The following DCC variants were observed in gnomAD, a reference collection of about 807,000 sequenced individuals.
The protein encoded by DCC is netrin receptor DCC.
DCC carries 58 observed loss-of-function variants against 172.5 expected under a neutral mutation model. That is an observed-to-expected ratio of 0.34 (90% CI 0.27 to 0.42). The LOEUF (loss-of-function observed/expected upper bound fraction) is 0.42. Among genes scored for constraint, DCC ranks in the 10% least tolerant of loss-of-function variants. The probability of loss-of-function intolerance (pLI) is 1.00; values close to 1 mark genes in which losing one functional copy is unlikely to be tolerated. For missense variants in DCC, 1,740 were observed against 1,791.0 expected (o/e 0.97, Z 0.51); for synonymous variants, 709 against 644.5 (o/e 1.10, Z -1.52).
intron 1 of DCC, among the ~76,000 whole-genome samples, chr18:52,742,501 T>C (rs1252287379): frequency 6.6e-6 from 1 of 152,206 alleles, no homozygotes; most frequent in Admixed American, 6.5e-5. Context: ...TAATGCCTGA[T>C]GCAGTAGGTG....
intron 5 of DCC, among the ~76,000 whole-genome samples, chr18:52,955,973 A>T (rs1266120801): frequency 4.0e-5 from 6 of 149,496 alleles, no homozygotes; most frequent in African/African-American, 7.4e-5. Flanking sequence ...TTTTTTTTTT[A>T]AATCAGTTGC....
chr18:52,634,750 A>C (rs1397533328), intron 1 of DCC, among the ~76,000 whole-genome samples: 9 of 152,096 alleles, frequency 5.9e-5, no homozygotes, highest in Admixed American at 3.9e-4. Flanking sequence ...TGGTATCTTG[A>C]TCTGCTAAAT....
At chr18:52,978,327 T>TA (rs1303308450) in intron 5 of DCC, among the ~76,000 whole-genome samples, 2 of 151,276 alleles carry the variant, frequency 1.3e-5, no homozygotes, top group Admixed American at 1.3e-4. Flanking sequence ...AGAAAAAAAA[T>TA]AAAAAATAAA....
chr18:53,014,773 G>A (rs1463098034), intron 5 of DCC, among the ~76,000 whole-genome samples: 1 of 152,012 alleles, frequency 6.6e-6, no homozygotes, highest in Non-Finnish European at 1.5e-5. Context: ...CCTTTAGAGA[G>A]AATGGCTGAA....
chr18:53,309,373 G>A (rs766724401), intron 13 of DCC, among the ~76,000 whole-genome samples: 1 of 152,198 alleles, frequency 6.6e-6, no homozygotes, highest in East Asian at 1.9e-4. Flanking sequence ...TAGAGATAGA[G>A]CCCACTTGAA....
chr18:52,609,269 C>G (rs942418601), intron 1 of DCC, among the ~76,000 whole-genome samples: 1 of 151,728 alleles, frequency 6.6e-6, no homozygotes, highest in Non-Finnish European at 1.5e-5. Context: ...GAGTGAAAGG[C>G]GAAAAAAAGT....
Position 53,315,504 on chromosome 18 carries a change from T to C in DCC, c.2054-6543T>C, listed in dbSNP as rs150321500. Among the ~76,000 whole-genome samples, 22 of 152,320 alleles carry C rather than the reference T, an allele frequency of 1.4e-4. No homozygotes were observed. In the East Asian group the frequency reaches 4.2e-3, roughly 29 times the overall value. On this transcript the variant is annotated intron_variant, in intron 13 of 28. Transcript: ENST00000442544. ...GTAATGGGATCGCTGGGTCAATTGGTATTTCTGATTCTAGATCCTTGAGGA... is the reference window on the plus strand; with the variant it reads ...GTAATGGGATCGCTGGGTCAATTGGCATTTCTGATTCTAGATCCTTGAGGA...
At chr18:53,412,039 CAG>C (rs1910017283) in intron 20 of DCC, among the ~76,000 whole-genome samples, 1 of 152,100 alleles carries the variant, frequency 6.6e-6, no homozygotes, top group South Asian at 2.1e-4. Flanking sequence ...TGTTAAACAG[CAG>C]AGTGATGAGT....
chr18:52,485,772 A>C (rs1362793855), intron 1 of DCC, among the ~76,000 whole-genome samples: 1 of 152,186 alleles, frequency 6.6e-6, no homozygotes, highest in Non-Finnish European at 1.5e-5. Context: ...ACAGAAAGAG[A>C]ATATGGTTAA....
chr18:52,971,420 T>C (rs904695839), intron 5 of DCC, among the ~76,000 whole-genome samples: 1 of 152,084 alleles, frequency 6.6e-6, no homozygotes, highest in South Asian at 2.1e-4. Flanking sequence ...GTGGTATGAA[T>C]AGAATGTCTT....
At chr18:52,795,554 GTTT>G (rs1367122897) in intron 2 of DCC, among the ~76,000 whole-genome samples, 1 of 151,744 alleles carries the variant, frequency 6.6e-6, no homozygotes, top group Non-Finnish European at 1.5e-5. Flanking sequence ...AGAAAAACAA[GTTT>G]TTGTTTTATT....
At chr18:53,325,057 G>C (rs887955348) in intron 14 of DCC, among the ~76,000 whole-genome samples, 1 of 151,948 alleles carries the variant, frequency 6.6e-6, no homozygotes, top group African/African-American at 2.4e-5. Context: ...GCTGGGCGTG[G>C]TGGTGCATAC....
At chr18:52,400,922 A>C (rs1384743751) in intron 1 of DCC, among the ~76,000 whole-genome samples, 1 of 151,984 alleles carries the variant, frequency 6.6e-6, no homozygotes, top group Admixed American at 6.6e-5. Context: ...GGAGGGGAAC[A>C]TCACACACCA....
At chr18:53,219,037 C>A (rs1347232907) in intron 12 of DCC, among the ~76,000 whole-genome samples, 1 of 152,032 alleles carries the variant, frequency 6.6e-6, no homozygotes, top group Non-Finnish European at 1.5e-5. Flanking sequence ...ACTCTTTGAA[C>A]CTGTGAAAAG....
chr18:52,928,949 G>T (rs986233628), intron 5 of DCC, among the ~76,000 whole-genome samples: 4 of 152,056 alleles, frequency 2.6e-5, no homozygotes, highest in African/African-American at 7.2e-5. Context: ...GCTCTCTTTG[G>T]TCAGGCCTGT....
intron 12 of DCC, among the ~76,000 whole-genome samples, chr18:53,285,084 A>T (rs1317406608): frequency 6.6e-6 from 1 of 152,178 alleles, no homozygotes; most frequent in Admixed American, 6.5e-5. Context: ...AAAAGTCTGG[A>T]AAATTTGCAG....
chr18:53,346,100 C>T (rs2057721171), intron 15 of DCC, among the ~76,000 whole-genome samples: 1 of 152,018 alleles, frequency 6.6e-6, no homozygotes, highest in Non-Finnish European at 1.5e-5. Context: ...CTCAAGTAAT[C>T]CTGCTGCCTC....
chr18:52,411,798 C>G (rs867451558), intron 1 of DCC, among the ~76,000 whole-genome samples: 1 of 152,118 alleles, frequency 6.6e-6, no homozygotes, highest in African/African-American at 2.4e-5. Context: ...ACAAATATCA[C>G]GAGACGAAAT....
At chr18:53,358,530 CTTT>C (rs35093625) in intron 15 of DCC, among the ~76,000 whole-genome samples, 3 of 95,918 alleles carry the variant, frequency 3.1e-5, no homozygotes, top group Non-Finnish European at 3.8e-5. Flanking sequence ...TTCTCTCTCT[CTTT>C]TTTTTTTTTT....
Sources: gnomAD v4.1 joint callset for allele counts (sites outside exome capture counted in the v4.1 genomes callset) on GRCh38, gnomAD v4.1.1 for gene constraint, MANE v1.5 for transcripts, NCBI Gene and HGNC (gene_info 2026-07-23, HGNC 2026-07-21) for gene names.